RTF2: variants seen among roughly 807,000 people sequenced by gnomAD.
RTF2 encodes the protein replication termination factor 2.
RTF2 carries 18 observed loss-of-function variants against 38.0 expected under a neutral mutation model. The ratio of observed to expected loss-of-function variants is 0.47; its 90% CI spans 0.33 to 0.70. RTF2 has a LOEUF of 0.70. RTF2 is among the 30% of genes least tolerant of loss of function. RTF2 has a pLI of 0.02. For synonymous variants in RTF2, 126 were observed against 137.1 expected, an observed-to-expected ratio of 0.92 and a Z score of 0.57; for missense variants, 311 against 379.6, an observed-to-expected ratio of 0.82 and a Z score of 1.50.
At chr20:56,484,782 G>A (rs1469394847) in intron 5 of RTF2, among the ~76,000 whole-genome samples, 3 of 152,200 alleles carry the variant, frequency 2.0e-5, no homozygotes, top group Admixed American at 6.5e-5. Flanking sequence ...CTTTAATGGC[G>A]CTGCTGCTGC....
chr20:56,468,661 T>C lies in RTF2; in HGVS notation c.-37T>C. 2.6e-6 allele frequency: 4 copies of C among 1,544,846 alleles called. No homozygotes were observed. The highest frequency in any genetic ancestry group is 3.5e-6 in the Non-Finnish European group (4 of 1,139,982). ...GCCGGAAATCCCGGAAGTGACAGCT[T>C]TGGGGGTTTGCTGCTGGCTCTGACT... On this transcript the variant is annotated 5_prime_UTR_variant, in exon 1 of 9. Coordinates refer to ENST00000357348, the MANE Select transcript of RTF2 (RefSeq NM_016407.5).
intron 4 of RTF2, among the ~76,000 whole-genome samples, chr20:56,478,980 GC>G (rs1422207859): frequency 6.6e-6 from 1 of 152,148 alleles, no homozygotes; most frequent in Non-Finnish European, 1.5e-5. Flanking sequence ...CACTTTCTTT[GC>G]TCATCCATAA....
intron 5 of RTF2, among the ~76,000 whole-genome samples, chr20:56,503,030 C>G (rs992528189): frequency 3.3e-5 from 5 of 152,134 alleles, no homozygotes; most frequent in Admixed American, 6.5e-5. Flanking sequence ...TGAGCCTGGC[C>G]CTAGGAGGTG....
intron 6 of RTF2, chr20:56,513,704 A>G (rs1984841860): frequency 2.9e-6 from 1 of 345,144 alleles, no homozygotes; most frequent in Non-Finnish European, 5.6e-6. Context: ...AGCAGGCTCC[A>G]GAGACCATGG....
rs1600841548 is a variant in RTF2 at position 56,518,121 on chromosome 20, G to A, written c.777G>A (p.Lys259=). ...MNESSSGKAG[K]PPCGATKRSI... ...AGAGCTCTTCTGGAAAAGCTGGGAA[G>A]CCTCCGTGTGGAGCCACAAAGAGGT... The change falls in exon 9 of 9, where the codon AAG becomes AAA. Residue 259 remains lysine (K), a synonymous_variant. Coordinates refer to ENST00000357348, the MANE Select transcript of RTF2 (RefSeq NM_016407.5). 6.2e-7 allele frequency: 1 copy of A among 1,613,202 alleles called. No individual in the cohort carries two copies. The highest frequency in any genetic ancestry group is 1.3e-5 in the African/African-American group (1 of 74,872).
chr20:56,495,265 C>T, intron 5 of RTF2: 2 of 1,551,546 alleles, frequency 1.3e-6, no homozygotes, highest in Non-Finnish European at 1.7e-6. Flanking sequence ...ACATTTCCTT[C>T]CCAGCCAGCG....
intron 3 of RTF2, 147 bp downstream of exon 3, chr20:56,474,918 T>C: frequency 2.0e-6 from 1 of 495,936 alleles, no homozygotes; most frequent in East Asian, 3.1e-5. Flanking sequence ...TCTTGAGAGG[T>C]CACTTAAATC....
chr20:56,518,226 G>A lies in RTF2; in HGVS notation c.882G>A (p.Glu294=). Residue 294 remains glutamate, a synonymous_variant, in exon 9 of 9, where the codon GAG becomes GAA. Coordinates refer to ENST00000357348, the MANE Select transcript of RTF2 (RefSeq NM_016407.5). ...GCTCCGCCAAGCGCTCCAAGGAGGA[G>A]TCTGCCCACTGGGTCACCCACACGT... is the stretch of plus-strand genomic sequence containing the variant. ...THSSAKRSKE[E]SAHWVTHTSY... is the part of the protein sequence containing the mutation. 6.2e-7 allele frequency: 1 copy of A among 1,614,080 alleles called. No homozygotes were observed. Among genetic ancestry groups the A allele is most frequent in the Non-Finnish European group, 8.5e-7 (1 of 1,179,984 alleles).
At chr20:56,516,037 TCA>T (rs1193010012) in intron 6 of RTF2, 6 of 152,252 alleles carry the variant, frequency 3.9e-5, no homozygotes, top group Non-Finnish European at 7.3e-5. Context: ...GGACCGAGTA[TCA>T]GTTTTCACAG....
chr20:56,509,652 A>G (rs990085757), intron 5 of RTF2, among the ~76,000 whole-genome samples: 2 of 151,932 alleles, frequency 1.3e-5, no homozygotes, highest in African/African-American at 4.8e-5. Context: ...GGTGTTGGGA[A>G]GGATGTGGAG....
At chr20:56,482,153 T>A (rs957521122) in intron 4 of RTF2, among the ~76,000 whole-genome samples, 2 of 152,234 alleles carry the variant, frequency 1.3e-5, no homozygotes, top group Admixed American at 6.5e-5. Context: ...TTGAAATTGA[T>A]GATTGGATTA....
rs534734550 is a variant in RTF2 at position 56,516,842 on chromosome 20, TCAGA to T, written c.592-89_592-86del. 298 of 1,153,860 alleles carry T rather than the reference TCAGA, an allele frequency of 2.6e-4. 2 individuals carry two copies. The highest frequency in any genetic ancestry group is 2.6e-3 in the Middle Eastern group (13 of 5,056). 71.5% of individuals were successfully genotyped at this position (1,153,860 alleles called of 1,614,324 possible). On this transcript the variant is annotated intron_variant, in intron 6 of 8. Transcript: ENST00000357348. ...GTCTCATGTGACTAGCATCGGTCAG[TCAGA>T]CAGGGCACCCGGGACAATGGGCAGC...
chr20:56,498,494 CAA>C (rs764601451), intron 5 of RTF2, among the ~76,000 whole-genome samples: 7 of 114,720 alleles, frequency 6.1e-5, no homozygotes, highest in Non-Finnish European at 5.6e-5. Flanking sequence ...CCGTGTCTCC[CAA>C]AAAAAAAAAA....
At chr20:56,515,665 GAC>G (rs11474559) in intron 6 of RTF2, 1,560 of 145,570 alleles carry the variant, frequency 0.011, 28 homozygotes, top group African/African-American at 0.035. Flanking sequence ...CTCAGACAGA[GAC>G]ACACACACAC....
chr20:56,512,519 T>C (rs1984739126), intron 5 of RTF2, among the ~76,000 whole-genome samples: 1 of 151,962 alleles, frequency 6.6e-6, no homozygotes. Context: ...GCTCTGTGAG[T>C]GTGGGCATGC....
chr20:56,495,246 A>G, intron 5 of RTF2: 3 of 1,551,424 alleles, frequency 1.9e-6, no homozygotes, highest in South Asian at 1.2e-5. Context: ...TTTCCGCTTA[A>G]TGGCTCGAAC....
intron 1 of RTF2, chr20:56,470,953 CTT>C (rs112638196): frequency 1.6e-4 from 38 of 241,994 alleles, no homozygotes; most frequent in African/African-American, 6.1e-4. Context: ...TAACTAAACT[CTT>C]TCCCCATATC....
rs571697193 is a variant in RTF2, at chr20:56,495,374, C to T, written c.477+11185C>T. The stretch of plus-strand genomic sequence containing the variant: ...TTTAGTACAAGTTCTTCTGTGCTAT[C>T]ATTTCCATTTCCTCTAGATGAGGTA... On this transcript the variant is annotated intron_variant, in intron 5 of 8. Transcript: ENST00000357348. 1.5e-5 allele frequency: 17 copies of T among 1,101,918 alleles called. No homozygotes were observed. The East Asian group carries it at 3.6e-4, about 23-fold the overall frequency. 68.3% of individuals were successfully genotyped at this position (1,101,918 alleles called of 1,614,324 possible). A position where few individuals can be genotyped will look rare whatever the true frequency, so the allele number is the denominator to read the frequency against.
In RTF2 at chr20:56,473,318, A is replaced by G; in HGVS notation, c.87A>G (p.Glu29=). The change falls in exon 2 of 9, where the codon GAA becomes GAG. Residue 29 remains glutamate (E), a synonymous_variant. Transcript: ENST00000357348. ...TTTATTAGGTCGACAAAGATGCTGA[A>G]TTAGTGGCCCAATGGAACTATTGTA... ...KKVEKVDKDA[E]LVAQWNYCTL... 6.2e-7 allele frequency: 1 copy of G among 1,613,630 alleles called. No homozygotes were observed. The highest frequency in any genetic ancestry group is 2.2e-5 in the East Asian group (1 of 44,864).
Sources: allele counts gnomAD v4.1 joint callset (sites outside exome capture counted in the v4.1 genomes callset), GRCh38; gene constraint gnomAD v4.1.1; transcripts MANE v1.5; gene names NCBI Gene and HGNC (gene_info 2026-07-23, HGNC 2026-07-21).